SYNPR: variants seen among roughly 807,000 people sequenced by gnomAD.
The protein encoded by SYNPR is synaptoporin.
In SYNPR, 23 loss-of-function variants were observed where a neutral mutation model predicts 32.9. The observed-to-expected ratio is 0.70, with a 90% CI of 0.50 to 0.99. The LOEUF is 0.99. Ranked by LOEUF, SYNPR falls within the 50% of genes least tolerant of loss-of-function variation. SYNPR has a pLI of 0.00. For synonymous variants in SYNPR, 146 were observed against 135.9 expected (o/e 1.07, Z -0.52); for missense variants, 318 against 349.3 (o/e 0.91, Z 0.71).
chr3:63,608,907 T>C (rs1700159877), intron 4 of SYNPR, among the ~76,000 whole-genome samples: 3 of 152,134 alleles, frequency 2.0e-5, no homozygotes, highest in Admixed American at 2.0e-4. Flanking sequence ...ATAGTAAGCA[T>C]TTAATAAATA....
At chr3:63,201,601 T>G in the SYNPR span, among the ~76,000 whole-genome samples, 1,337 of 152,242 alleles carry the variant, frequency 8.8e-3, 8 homozygotes, top group Non-Finnish European at 0.014. Flanking sequence ...TGCTTTATAT[T>G]TACAGATACT....
chr3:63,304,264 C>T (rs140742061), intron 2 of SYNPR, among the ~76,000 whole-genome samples: 13 of 151,868 alleles, frequency 8.6e-5, no homozygotes, highest in Non-Finnish European at 1.8e-4. Flanking sequence ...GAAAGAAAGA[C>T]GTAACTGATT....
chr3:63,506,110 C>T (rs1435182108), intron 3 of SYNPR, among the ~76,000 whole-genome samples: 1 of 151,810 alleles, frequency 6.6e-6, no homozygotes, highest in Non-Finnish European at 1.5e-5. Flanking sequence ...TTTCTCCTTG[C>T]TTTTTTCCTT....
At chr3:63,240,076 A>T (rs2086229969) in intron 1 of SYNPR, among the ~76,000 whole-genome samples, 2 of 152,106 alleles carry the variant, frequency 1.3e-5, no homozygotes, top group South Asian at 4.1e-4. Flanking sequence ...GATCTACTGC[A>T]TCCCTTTCTT....
intron 2 of SYNPR, among the ~76,000 whole-genome samples, chr3:63,262,822 C>G (rs2086450370): frequency 6.6e-6 from 1 of 152,152 alleles, no homozygotes; most frequent in Admixed American, 6.5e-5. Flanking sequence ...AGTTAGAGAC[C>G]ACCGTAACTC....
chr3:63,539,074 C>T (rs1702256858), intron 3 of SYNPR, among the ~76,000 whole-genome samples: 1 of 152,084 alleles, frequency 6.6e-6, no homozygotes, highest in African/African-American at 2.4e-5. Context: ...AGCAAAGGCC[C>T]TTTCTTTCTT....
chr3:63,221,004 C>A, the SYNPR span, among the ~76,000 whole-genome samples: 1 of 152,110 alleles, frequency 6.6e-6, no homozygotes, highest in Admixed American at 6.5e-5. Flanking sequence ...CCCAGTTGGA[C>A]CCTGATCAAT....
rs143294937 is a variant in SYNPR at position 63,607,061 on chromosome 3, A to T, written c.409-2064A>T. On this transcript the variant is annotated intron_variant, in intron 4 of 5. Coordinates refer to ENST00000478300, the MANE Select transcript of SYNPR (RefSeq NM_001130003.2). ...CCAATTGAAAGGTCTTCACATGACTATTCTTTTTTAAGTGTTTCCCCATTC... is the reference window on the plus strand; with the variant it reads ...CCAATTGAAAGGTCTTCACATGACTTTTCTTTTTTAAGTGTTTCCCCATTC... Among the ~76,000 whole-genome samples, 740 of 152,332 alleles carry T rather than the reference A, an allele frequency of 4.9e-3. 6 individuals are homozygous for T. Among genetic ancestry groups the T allele is most frequent in the African/African-American group, 0.016 (683 of 41,584 alleles).
At chr3:63,437,421 T>C (rs1700103687) in intron 2 of SYNPR, among the ~76,000 whole-genome samples, 2 of 152,212 alleles carry the variant, frequency 1.3e-5, no homozygotes, top group East Asian at 1.9e-4. Flanking sequence ...AGAATCCACC[T>C]GTTTGTGTTA....
At chr3:63,368,915 C>T (rs989870149) in intron 2 of SYNPR, among the ~76,000 whole-genome samples, 1 of 152,166 alleles carries the variant, frequency 6.6e-6, no homozygotes, top group Non-Finnish European at 1.5e-5. Context: ...GAGAAGGACA[C>T]CTTACATGAA....
intron 2 of SYNPR, among the ~76,000 whole-genome samples, chr3:63,325,857 C>G (rs770159864): frequency 6.6e-6 from 1 of 152,048 alleles, no homozygotes; most frequent in African/African-American, 2.4e-5. Context: ...TCACTTCCTG[C>G]TGAAGATAGG....
At chr3:63,375,996 C>A (rs1399755109) in intron 2 of SYNPR, among the ~76,000 whole-genome samples, 1 of 152,214 alleles carries the variant, frequency 6.6e-6, no homozygotes, top group Admixed American at 6.5e-5. Flanking sequence ...ACCAACCACT[C>A]AACTAGACAA....
intron 2 of SYNPR, among the ~76,000 whole-genome samples, chr3:63,398,427 C>T (rs779681433): frequency 6.6e-6 from 1 of 152,020 alleles, no homozygotes; most frequent in Non-Finnish European, 1.5e-5. Flanking sequence ...TGCCACTTAA[C>T]AGTGTACTTT....
chr3:63,253,671 G>A (rs2086356940), intron 2 of SYNPR, among the ~76,000 whole-genome samples: 1 of 152,158 alleles, frequency 6.6e-6, no homozygotes, highest in African/African-American at 2.4e-5. Flanking sequence ...GAAACTACAG[G>A]TGCTGGAGAG....
intron 2 of SYNPR, among the ~76,000 whole-genome samples, chr3:63,327,116 T>C (rs2106977111): frequency 6.6e-6 from 1 of 152,162 alleles, no homozygotes; most frequent in Non-Finnish European, 1.5e-5. Context: ...TTAGTGCAAA[T>C]TGGGAGGGGA....
At chr3:63,563,771 G>C (rs1702735097) in intron 4 of SYNPR, among the ~76,000 whole-genome samples, 1 of 152,122 alleles carries the variant, frequency 6.6e-6, no homozygotes, top group South Asian at 2.1e-4. Flanking sequence ...CAAATGGCTT[G>C]CTAGGGGTAT....
chr3:63,457,696 C>T (rs184107511), intron 2 of SYNPR, among the ~76,000 whole-genome samples: 1 of 152,184 alleles, frequency 6.6e-6, no homozygotes, highest in Non-Finnish European at 1.5e-5. Flanking sequence ...GTATTACCTA[C>T]AAAAGAGGGA....
intron 3 of SYNPR, among the ~76,000 whole-genome samples, chr3:63,512,107 T>C (rs1241337244): frequency 6.6e-6 from 1 of 152,132 alleles, no homozygotes; most frequent in African/African-American, 2.4e-5. Flanking sequence ...ATTCAAAATT[T>C]TATAAACAAA....
At chr3:63,209,498 G>A in the SYNPR span, among the ~76,000 whole-genome samples, 3 of 152,104 alleles carry the variant, frequency 2.0e-5, no homozygotes, top group Non-Finnish European at 2.9e-5. Context: ...AAACAACAAA[G>A]TACAGTCATT....
Sources: gnomAD v4.1 joint callset for allele counts (sites outside exome capture counted in the v4.1 genomes callset) on GRCh38, gnomAD v4.1.1 for gene constraint, MANE v1.5 for transcripts, NCBI Gene and HGNC (gene_info 2026-07-23, HGNC 2026-07-21) for gene names.